The following TMEM132C variants were observed in gnomAD, a reference collection of about 807,000 sequenced individuals.
TMEM132C encodes protein phosphatase 1, regulatory subunit 152.
Under a neutral mutation model 61.4 loss-of-function variants are expected in TMEM132C, and 29 were observed. That is an observed-to-expected ratio of 0.47 (90% confidence interval 0.35 to 0.64). The LOEUF is 0.64. Among genes scored for constraint, TMEM132C ranks in the 30% least tolerant of loss-of-function variants. The pLI, the probability that TMEM132C is intolerant of heterozygous loss-of-function variation, is 0.00. For missense variants in TMEM132C, 1,408 were observed against 1,476.9 expected, an observed-to-expected ratio of 0.95 and a Z score of 0.76; for synonymous variants, 656 against 633.1, an observed-to-expected ratio of 1.04 and a Z score of -0.54.
Position 128,368,906 on chromosome 12 carries a change from C to T in TMEM132C, c.86-45826C>T, listed in dbSNP as rs946434614. Reference sequence around the variant, plus strand: ...AGGCTTTGGGGAACTGAACTCGCCCCTGAGACTCTAGAGAATTCCCTGAGA... The same window carrying T: ...AGGCTTTGGGGAACTGAACTCGCCCTTGAGACTCTAGAGAATTCCCTGAGA... On this transcript the variant is annotated intron_variant, in intron 1 of 8. Coordinates refer to ENST00000435159, the MANE Select transcript of TMEM132C (RefSeq NM_001136103.3). Among the ~76,000 whole-genome samples the T allele has an allele frequency of 5.3e-5, 8 of 152,152 alleles. No homozygotes were observed. The East Asian group carries it at 9.6e-4, about 18-fold the overall frequency.
intron 3 of TMEM132C, among the ~76,000 whole-genome samples, chr12:128,590,188 A>C (rs545216556): frequency 6.6e-6 from 1 of 152,326 alleles, no homozygotes; most frequent in South Asian, 2.1e-4. Flanking sequence ...GCAATGTGGA[A>C]GTCAGAGTTA....
chr12:128,367,362 T>G (rs576068046), intron 1 of TMEM132C, among the ~76,000 whole-genome samples: 74 of 152,362 alleles, frequency 4.9e-4, no homozygotes, highest in Admixed American at 1.6e-3. Context: ...GTGCTCATTA[T>G]GCAAAATGGT....
chr12:128,508,841 A>G (rs1872472343), intron 2 of TMEM132C, among the ~76,000 whole-genome samples: 1 of 152,166 alleles, frequency 6.6e-6, no homozygotes, highest in Non-Finnish European at 1.5e-5. Flanking sequence ...GGGTCATCAT[A>G]TCATACCATA....
intron 3 of TMEM132C, among the ~76,000 whole-genome samples, chr12:128,571,629 G>A (rs1476096045): frequency 6.6e-6 from 1 of 152,116 alleles, no homozygotes; most frequent in Non-Finnish European, 1.5e-5. Flanking sequence ...TAAGCACCTC[G>A]TGTAAGAGGA....
intron 2 of TMEM132C, among the ~76,000 whole-genome samples, chr12:128,426,507 A>G (rs1253976374): frequency 3.3e-5 from 5 of 152,018 alleles, no homozygotes; most frequent in Non-Finnish European, 7.4e-5. Context: ...AATTCAGAGA[A>G]CTCTGGAAAC....
rs1214543960 is a variant in TMEM132C at position 128,326,694 on chromosome 12, T to C, written c.85+59207T>C. ...CTGAAGCAGGATCTCTATTAGCCTT[T>C]GTGCCCCTAAGACGGAGCAGGCTGG... On this transcript the variant is annotated intron_variant, in intron 1 of 8. Transcript: ENST00000435159. This position sits in a 1 kb window ranked among gnomAD's most constrained non-coding sequence, Gnocchi z 5.6. Among the ~76,000 whole-genome samples, 1 of 152,206 alleles carries C rather than the reference T, an allele frequency of 6.6e-6. No individual in the cohort carries two copies. The highest frequency in any genetic ancestry group is 2.4e-5 in the African/African-American group (1 of 41,454).
intron 2 of TMEM132C, among the ~76,000 whole-genome samples, chr12:128,540,340 G>A (rs1259093312): frequency 6.6e-6 from 1 of 152,154 alleles, no homozygotes; most frequent in Non-Finnish European, 1.5e-5. Context: ...TGCAACCTCT[G>A]GCTCCTGGGT....
intron 1 of TMEM132C, among the ~76,000 whole-genome samples, chr12:128,285,867 C>G (rs1368691964): frequency 1.3e-5 from 1 of 77,074 alleles, no homozygotes. Context: ...CTCTCTTTCT[C>G]TCTCTCCCCA....
At chr12:128,380,268 T>A (rs2135990405) in intron 1 of TMEM132C, among the ~76,000 whole-genome samples, 1 of 152,336 alleles carries the variant, frequency 6.6e-6, no homozygotes, top group East Asian at 1.9e-4. Context: ...GAATGAATAG[T>A]GTTGGAGATG....
At position 128,514,799 on chromosome 12, in the gene TMEM132C, G is replaced by A. The variant is rs114339774; in HGVS notation, c.975-29158G>A. Reference sequence around the variant, plus strand: ...ACACGTATTTACTGAGCTGTCTTAGGCACTGGAAACTGGAGGTGTAGTAGT... The same window carrying A: ...ACACGTATTTACTGAGCTGTCTTAGACACTGGAAACTGGAGGTGTAGTAGT... On this transcript the variant is annotated intron_variant, in intron 2 of 8. Coordinates refer to ENST00000435159, the MANE Select transcript of TMEM132C (RefSeq NM_001136103.3). Among the ~76,000 whole-genome samples, 499 of 152,288 alleles carry A rather than the reference G, an allele frequency of 3.3e-3. 3 individuals carry two copies. The highest frequency in any genetic ancestry group is 0.011 in the African/African-American group (477 of 41,556).
chr12:128,270,632 C>T (rs564539076), intron 1 of TMEM132C, among the ~76,000 whole-genome samples: 36 of 152,308 alleles, frequency 2.4e-4, no homozygotes, highest in Admixed American at 6.5e-4. Context: ...TCAACTCACC[C>T]GCATTCGTGC....
At chr12:128,582,282 GA>G (rs1372946471) in intron 3 of TMEM132C, among the ~76,000 whole-genome samples, 1 of 152,188 alleles carries the variant, frequency 6.6e-6, no homozygotes, top group Non-Finnish European at 1.5e-5. Flanking sequence ...AAATGCACAT[GA>G]AAACAACAAT....
intron 5 of TMEM132C, among the ~76,000 whole-genome samples, chr12:128,692,026 A>C: frequency 7.1e-6 from 1 of 141,294 alleles, no homozygotes; most frequent in African/African-American, 2.8e-5. Context: ...CCATCAGTTC[A>C]TCTATCTATC....
intron 2 of TMEM132C, among the ~76,000 whole-genome samples, chr12:128,481,302 A>G (rs1458140136): frequency 6.6e-6 from 1 of 152,194 alleles, no homozygotes; most frequent in African/African-American, 2.4e-5. Flanking sequence ...TTTTTACGCA[A>G]TGTAGAAAAC....
intron 1 of TMEM132C, among the ~76,000 whole-genome samples, chr12:128,313,636 T>C (rs1355625042): frequency 6.6e-6 from 1 of 152,164 alleles, no homozygotes; most frequent in Non-Finnish European, 1.5e-5. Flanking sequence ...TTCACCATGA[T>C]TAGCTTAGAC....
At chr12:128,618,763 C>A (rs1876894452) in intron 4 of TMEM132C, among the ~76,000 whole-genome samples, 1 of 152,182 alleles carries the variant, frequency 6.6e-6, no homozygotes, top group Non-Finnish European at 1.5e-5. Flanking sequence ...GAGACCTCCC[C>A]AGCCACACGG....
At chr12:128,383,672 G>A (rs1651339326) in intron 1 of TMEM132C, among the ~76,000 whole-genome samples, 1 of 152,128 alleles carries the variant, frequency 6.6e-6, no homozygotes, top group South Asian at 2.1e-4. Flanking sequence ...GTAGGGCAGG[G>A]GACCATCGGT....
chr12:128,437,055 C>A (rs542902486), intron 2 of TMEM132C, among the ~76,000 whole-genome samples: 1 of 152,214 alleles, frequency 6.6e-6, no homozygotes, highest in East Asian at 1.9e-4. Flanking sequence ...GACAGAAAAC[C>A]AGACACCACA....
chr12:128,373,907 C>T (rs1183540373), intron 1 of TMEM132C, among the ~76,000 whole-genome samples: 3 of 152,206 alleles, frequency 2.0e-5, no homozygotes, highest in African/African-American at 7.2e-5. Context: ...AGATTCCATT[C>T]CTGCAGCAGC....
Sources: allele counts gnomAD v4.1 joint callset (sites outside exome capture counted in the v4.1 genomes callset), GRCh38; gene constraint gnomAD v4.1.1; non-coding constraint Gnocchi (gnomAD v3.1); transcripts MANE v1.5; gene names NCBI Gene and HGNC (gene_info 2026-07-23, HGNC 2026-07-21).